The following DAB1 variants were observed in gnomAD, a reference collection of about 807,000 sequenced individuals.
DAB1 encodes disabled homolog 1.
A neutral mutation model predicts 64.6 loss-of-function variants in DAB1; 15 were observed. The observed-to-expected ratio is 0.23, with a 90% confidence interval of 0.16 to 0.36. DAB1 has a LOEUF of 0.36. Ranked by LOEUF, DAB1 falls within the 10% of genes least tolerant of loss-of-function variation. The pLI, the probability that DAB1 is intolerant of heterozygous loss-of-function variation, is 1.00. For synonymous variants in DAB1, 235 were observed against 251.9 expected, an observed-to-expected ratio of 0.93 and a Z score of 0.64; for missense variants, 596 against 706.7, an observed-to-expected ratio of 0.84 and a Z score of 1.78.
intron 6 of DAB1, among the ~76,000 whole-genome samples, chr1:57,683,143 G>T (rs1429458508): frequency 6.6e-6 from 1 of 152,190 alleles, no homozygotes; most frequent in East Asian, 1.9e-4. Flanking sequence ...TTGAGCAGAG[G>T]AGGAGCCCCT....
chr1:58,454,098 T>A (rs1425874530), intron 3 of DAB1, among the ~76,000 whole-genome samples: 2 of 152,192 alleles, frequency 1.3e-5, no homozygotes, highest in Non-Finnish European at 2.9e-5. Context: ...CCCAACTTTT[T>A]AAATCTGCTA....
At chr1:57,025,475 A>G (rs549157028) in intron 10 of DAB1, among the ~76,000 whole-genome samples, 2 of 152,252 alleles carry the variant, frequency 1.3e-5, no homozygotes, top group African/African-American at 4.8e-5. Flanking sequence ...GGAGGGAGAG[A>G]GGAAAGAAAG....
At chr1:58,397,880 G>A (rs893207917) in intron 3 of DAB1, among the ~76,000 whole-genome samples, 2 of 152,174 alleles carry the variant, frequency 1.3e-5, no homozygotes, top group African/African-American at 4.8e-5. Flanking sequence ...CATTGTTAAG[G>A]TAATTAAATG....
intron 4 of DAB1, among the ~76,000 whole-genome samples, chr1:58,199,516 C>A (rs4912312): frequency 0.45 from 68,515 of 151,910 alleles, 19,076 homozygotes; most frequent in Non-Finnish European, 0.64. Flanking sequence ...ATAAGAGAAC[C>A]AGCTTATAGG....
At chr1:58,428,009 A>G (rs1644837587) in intron 3 of DAB1, among the ~76,000 whole-genome samples, 1 of 152,246 alleles carries the variant, frequency 6.6e-6, no homozygotes, top group Non-Finnish European at 1.5e-5. Context: ...ATGCTAAAGA[A>G]TAAACTCATT....
Position 57,342,540 on chromosome 1 carries a change from T to C in DAB1, c.-136-51374A>G, listed in dbSNP as rs551589172. On this transcript the variant is annotated intron_variant, in intron 1 of 14. Coordinates refer to ENST00000371236, the MANE Select transcript of DAB1 (RefSeq NM_001365792.1). ...CTCCCTATCTAAGACAGGAATATTATTTGCAGGAAAGCAATTCAAGGATGA... is the reference window on the plus strand; with the variant it reads ...CTCCCTATCTAAGACAGGAATATTACTTGCAGGAAAGCAATTCAAGGATGA... Among the ~76,000 whole-genome samples, 8 of 152,338 alleles carry C rather than the reference T, an allele frequency of 5.3e-5. No individual in the cohort carries two copies. The East Asian group carries it at 1.5e-3, about 29-fold the overall frequency.
At chr1:57,012,396 A>G (rs1646292510) in intron 12 of DAB1, among the ~76,000 whole-genome samples, 2 of 152,184 alleles carry the variant, frequency 1.3e-5, no homozygotes, top group African/African-American at 4.8e-5. Context: ...TGTTTCCCAG[A>G]TGGAGAAATT....
At chr1:57,425,176 T>C (rs1156266057), upstream of DAB1, among the ~76,000 whole-genome samples, 1 of 152,054 alleles carries the variant, frequency 6.6e-6, no homozygotes, top group African/African-American at 2.4e-5. Flanking sequence ...AAGTGCATAA[T>C]ATGTAGATTC....
intron 7 of DAB1, among the ~76,000 whole-genome samples, chr1:57,593,173 C>T (rs980382137): frequency 2.6e-5 from 4 of 152,162 alleles, no homozygotes; most frequent in African/African-American, 9.7e-5. Flanking sequence ...CTCCCCAGCC[C>T]CTGACAGCCT....
chr1:58,289,838 A>T (rs1301745255), intron 4 of DAB1, among the ~76,000 whole-genome samples: 2 of 152,204 alleles, frequency 1.3e-5, no homozygotes, highest in African/African-American at 4.8e-5. Context: ...AATCACATTG[A>T]TATAAATCCA....
At chr1:57,606,785 C>CAT (rs1458949331) in intron 7 of DAB1, among the ~76,000 whole-genome samples, 12 of 89,266 alleles carry the variant, frequency 1.3e-4, no homozygotes, top group South Asian at 6.4e-4. Flanking sequence ...ATATTTTATA[C>CAT]ATATATATAT....
intron 4 of DAB1, among the ~76,000 whole-genome samples, chr1:57,083,933 G>A (rs996880101): frequency 5.9e-5 from 9 of 152,162 alleles, no homozygotes; most frequent in African/African-American, 1.7e-4. Flanking sequence ...ATTGAAGTAC[G>A]AATTAAATGT....
intron 3 of DAB1, chr1:58,415,377 C>T (rs1160066387): frequency 2.5e-5 from 6 of 241,540 alleles, no homozygotes; most frequent in East Asian, 3.6e-4. Context: ...ACAACTTTTA[C>T]GATTTACTGA....
At chr1:58,250,401 G>A (rs915891194) in intron 4 of DAB1, among the ~76,000 whole-genome samples, 2 of 152,252 alleles carry the variant, frequency 1.3e-5, no homozygotes, top group African/African-American at 4.8e-5. Context: ...CCGGAGAGGG[G>A]ATGCTCACTC....
chr1:58,521,955 A>C (rs1646271689), intron 2 of DAB1, among the ~76,000 whole-genome samples: 1 of 152,226 alleles, frequency 6.6e-6, no homozygotes, highest in African/African-American at 2.4e-5. Context: ...GGACATTACA[A>C]GAAAAGAAAA....
intron 2 of DAB1, among the ~76,000 whole-genome samples, chr1:58,516,558 T>G (rs1290066839): frequency 6.6e-6 from 1 of 152,066 alleles, no homozygotes; most frequent in African/African-American, 2.4e-5. Context: ...AAATGAAAAA[T>G]TAAAAGAACT....
At chr1:57,503,339 C>G (rs549072598) in intron 7 of DAB1, among the ~76,000 whole-genome samples, 32 of 152,332 alleles carry the variant, frequency 2.1e-4, no homozygotes, top group African/African-American at 6.5e-4. Flanking sequence ...TTCTCAGTCT[C>G]TAGGTCCTGC....
intron 4 of DAB1, among the ~76,000 whole-genome samples, chr1:58,207,129 C>T (rs1658322446): frequency 6.6e-6 from 1 of 152,196 alleles, no homozygotes; most frequent in Non-Finnish European, 1.5e-5. Context: ...AGCTGACTTG[C>T]CAACTAACCC....
At chr1:58,426,805 A>C (rs1352258155) in intron 3 of DAB1, among the ~76,000 whole-genome samples, 1 of 152,248 alleles carries the variant, frequency 6.6e-6, no homozygotes, top group African/African-American at 2.4e-5. Context: ...AAATTAAAAA[A>C]TAAATGAGTA....
Sources: gnomAD v4.1 joint callset for allele counts (sites outside exome capture counted in the v4.1 genomes callset) on GRCh38, gnomAD v4.1.1 for gene constraint, MANE v1.5 for transcripts, NCBI Gene and HGNC (gene_info 2026-07-23, HGNC 2026-07-21) for gene names.